Variants in AK7 observed in about 807,000 individuals in gnomAD.
The protein encoded by AK7 is adenylate kinase 7.
Under a neutral mutation model 96.6 loss-of-function variants are expected in AK7, and 78 were observed. That is an observed-to-expected ratio of 0.81 (90% CI 0.67 to 0.97). AK7 has a LOEUF of 0.97. AK7 is among the 50% of genes least tolerant of loss of function. The pLI is 0.00. For missense variants in AK7, 855 were observed against 887.9 expected (o/e 0.96, Z 0.47); for synonymous variants, 302 against 317.2 (o/e 0.95, Z 0.51).
At chr14:96,410,517 C>CTGA (rs1890972018) in intron 4 of AK7, among the ~76,000 whole-genome samples, 1 of 152,162 alleles carries the variant, frequency 6.6e-6, no homozygotes. Context: ...TCTGAGTAGA[C>CTGA]TTCACTCTCT....
chr14:96,459,335 C>T (rs947611315), intron 12 of AK7, among the ~76,000 whole-genome samples: 5 of 151,222 alleles, frequency 3.3e-5, no homozygotes, highest in Admixed American at 6.6e-5. Context: ...AAGACTCCAT[C>T]TCAAAAAAAA....
intron 5 of AK7, among the ~76,000 whole-genome samples, chr14:96,436,703 C>T (rs976274440): frequency 5.9e-5 from 9 of 152,132 alleles, no homozygotes; most frequent in South Asian, 2.1e-4. Flanking sequence ...ATCCCCTGTT[C>T]GCCTGAAGAA....
At chr14:96,484,947 AG>A (rs1229135131) in intron 16 of AK7, among the ~76,000 whole-genome samples, 6 of 152,210 alleles carry the variant, frequency 3.9e-5, no homozygotes, top group African/African-American at 1.4e-4. Flanking sequence ...GGAGGGATGG[AG>A]GGAGGGAGGC....
At chr14:96,408,712 G>C in intron 3 of AK7, 135 bp from the exon 4 acceptor site, 1 of 693,010 alleles carries the variant, frequency 1.4e-6, no homozygotes, top group Non-Finnish European at 2.5e-6. Context: ...ACGGTGATGG[G>C]AACAGGTCAA....
At chr14:96,428,775 C>T (rs1277951141) in intron 5 of AK7, among the ~76,000 whole-genome samples, 5 of 151,678 alleles carry the variant, frequency 3.3e-5, no homozygotes, top group African/African-American at 9.8e-5. Flanking sequence ...TGTAAAGTGT[C>T]TGTTCATATC....
chr14:96,395,726 A>G (rs889381030), intron 1 of AK7, among the ~76,000 whole-genome samples: 2 of 122,756 alleles, frequency 1.6e-5, no homozygotes, highest in Non-Finnish European at 3.4e-5. Context: ...TAGAAAAAAA[A>G]AAAAAAAAAA....
chr14:96,415,647 A>G (rs1891284283), intron 4 of AK7, among the ~76,000 whole-genome samples: 1 of 151,934 alleles, frequency 6.6e-6, no homozygotes, highest in South Asian at 2.1e-4. Context: ...CTGGTAGCCA[A>G]AAGCATCCAA....
At chr14:96,408,728 C>T in intron 3 of AK7, 119 bp from the exon 4 acceptor site, 1 of 777,504 alleles carries the variant, frequency 1.3e-6, no homozygotes, top group South Asian at 1.7e-5. Flanking sequence ...GTCAAAGAAG[C>T]ATCAGAGGTA....
chr14:96,434,521 G>A (rs1301889460), intron 5 of AK7, among the ~76,000 whole-genome samples: 1 of 152,068 alleles, frequency 6.6e-6, no homozygotes, highest in Non-Finnish European at 1.5e-5. Context: ...CCACCACTGT[G>A]ACTGTGCTGG....
intron 7 of AK7, among the ~76,000 whole-genome samples, chr14:96,443,490 C>G (rs1195371140): frequency 1.3e-5 from 2 of 152,304 alleles, no homozygotes; most frequent in African/African-American, 2.4e-5. Flanking sequence ...CACTCTTTCT[C>G]TCATCCACTG....
At chr14:96,404,127 CAG>C (rs1418802231) in intron 2 of AK7, among the ~76,000 whole-genome samples, 1 of 100,250 alleles carries the variant, frequency 1.0e-5, no homozygotes, top group East Asian at 2.9e-4. Context: ...CTGGGCAAAA[CAG>C]AGTGAAACTG....
chr14:96,463,457 C>G (rs1245147808), intron 12 of AK7, among the ~76,000 whole-genome samples: 1 of 151,662 alleles, frequency 6.6e-6, no homozygotes, highest in African/African-American at 2.4e-5. Flanking sequence ...CGGTGGCTCA[C>G]TCCTGTAATC....
intron 4 of AK7, among the ~76,000 whole-genome samples, chr14:96,415,197 G>T (rs1206486748): frequency 6.6e-6 from 1 of 152,106 alleles, no homozygotes; most frequent in African/African-American, 2.4e-5. Context: ...GCTCACACCT[G>T]TAACCCCAGC....
chr14:96,480,197 C>A (rs890346927), intron 15 of AK7, among the ~76,000 whole-genome samples: 3 of 152,016 alleles, frequency 2.0e-5, no homozygotes, highest in Non-Finnish European at 2.9e-5. Context: ...ATTGGAAGAC[C>A]AAGGTGGGTG....
intron 13 of AK7, among the ~76,000 whole-genome samples, 180 bp downstream of exon 13, chr14:96,471,786 G>A (rs1457830132): frequency 2.0e-5 from 3 of 151,078 alleles, no homozygotes; most frequent in African/African-American, 7.3e-5. Context: ...CTGGATGGTG[G>A]CTCAAGGTGC....
At chr14:96,461,404 G>A (rs1894241242) in intron 12 of AK7, among the ~76,000 whole-genome samples, 1 of 152,170 alleles carries the variant, frequency 6.6e-6, no homozygotes, top group Non-Finnish European at 1.5e-5. Flanking sequence ...GTCACATTGA[G>A]GGGTGTGGGA....
intron 7 of AK7, 104 bp downstream of exon 7, chr14:96,442,922 G>A: frequency 9.9e-7 from 1 of 1,013,320 alleles, no homozygotes; most frequent in Non-Finnish European, 1.5e-6. Flanking sequence ...CCCTTACATG[G>A]ATTATTGTGT....
intron 14 of AK7, among the ~76,000 whole-genome samples, chr14:96,474,456 A>AG (rs1232026639): frequency 2.0e-5 from 3 of 151,284 alleles, no homozygotes; most frequent in African/African-American, 7.3e-5. Context: ...TAAAAAAAAA[A>AG]AAAAAAAAAA....
At chr14:96,477,991 T>C (rs1348316630) in intron 14 of AK7, among the ~76,000 whole-genome samples, 3 of 152,126 alleles carry the variant, frequency 2.0e-5, no homozygotes, top group African/African-American at 7.2e-5. Context: ...AGCCCGCACA[T>C]AGTAAGACCT....
Sources: gnomAD v4.1 joint callset for allele counts (sites outside exome capture counted in the v4.1 genomes callset) on GRCh38, gnomAD v4.1.1 for gene constraint, MANE v1.5 for transcripts, NCBI Gene and HGNC (gene_info 2026-07-23, HGNC 2026-07-21) for gene names.